Variants in FRMD4A observed in about 807,000 individuals in gnomAD.
The protein encoded by FRMD4A is FERM domain containing 4A.
A neutral mutation model predicts 129.1 loss-of-function variants in FRMD4A; 29 were observed. The observed-to-expected ratio is 0.22, with a 90% CI of 0.17 to 0.31. FRMD4A has a LOEUF of 0.31. FRMD4A is among the 10% of genes least tolerant of loss of function. FRMD4A has a pLI of 1.00. For synonymous variants in FRMD4A, 634 were observed against 571.6 expected (o/e 1.11, Z -1.56); for missense variants, 1,272 against 1,375.8 (o/e 0.92, Z 1.19).
At chr10:13,799,657 C>T (rs567962157) in intron 4 of FRMD4A, among the ~76,000 whole-genome samples, 11 of 152,264 alleles carry the variant, frequency 7.2e-5, no homozygotes, top group East Asian at 3.9e-4. Flanking sequence ...GTATGGCATG[C>T]GCCTGGCCTT....
intron 2 of FRMD4A, among the ~76,000 whole-genome samples, chr10:14,010,546 C>A (rs546849892): frequency 6.6e-6 from 1 of 150,804 alleles, no homozygotes; most frequent in East Asian, 2.0e-4. Flanking sequence ...AGTAGGTGAC[C>A]CCCTCCTTGG....
chr10:14,201,083 A>C (rs1309271739), intron 2 of FRMD4A, among the ~76,000 whole-genome samples: 5 of 152,186 alleles, frequency 3.3e-5, no homozygotes, highest in Admixed American at 2.0e-4. Flanking sequence ...CTCAGAGCTC[A>C]GTGTTCAGGC....
intron 2 of FRMD4A, among the ~76,000 whole-genome samples, chr10:14,287,004 C>T (rs753792384): frequency 3.9e-5 from 6 of 152,230 alleles, no homozygotes; most frequent in Admixed American, 6.5e-5. Flanking sequence ...GACTATATTT[C>T]GCATCACTCT....
intron 2 of FRMD4A, among the ~76,000 whole-genome samples, chr10:13,957,139 G>T (rs564795369): frequency 6.6e-6 from 1 of 152,232 alleles, no homozygotes; most frequent in African/African-American, 2.4e-5. Context: ...CTCCGACTCC[G>T]CAGAGCTATG....
At chr10:13,998,747 T>C (rs1023505904) in intron 2 of FRMD4A, among the ~76,000 whole-genome samples, 9 of 152,174 alleles carry the variant, frequency 5.9e-5, no homozygotes, top group African/African-American at 1.9e-4. Flanking sequence ...GTCCATTCAC[T>C]TCTCACCACC....
chr10:13,806,001 G>A (rs1011612671), intron 4 of FRMD4A, among the ~76,000 whole-genome samples: 1 of 152,100 alleles, frequency 6.6e-6, no homozygotes, highest in African/African-American at 2.4e-5. Context: ...GGAATTACAA[G>A]CATGTACTAC....
In FRMD4A at chr10:13,701,325, G is replaced by C. The variant is rs1367847191; in HGVS notation, c.975+15C>G. On this transcript the variant is annotated intron_variant, in intron 14 of 24. Coordinates refer to ENST00000357447, the MANE Select transcript of FRMD4A (RefSeq NM_018027.5). ...AGACAATGGCCCGGGCTTGGTGAGAGGTCTGGTCACTCACCTTACTCTGCT... is the reference window on the plus strand; with the variant it reads ...AGACAATGGCCCGGGCTTGGTGAGACGTCTGGTCACTCACCTTACTCTGCT... 6.2e-7 allele frequency: 1 copy of C among 1,609,068 alleles called. No homozygotes were observed. The highest frequency in any genetic ancestry group is 1.7e-5 in the Admixed American group (1 of 59,630).
At chr10:13,751,138 T>C (rs2130653439) in intron 8 of FRMD4A, among the ~76,000 whole-genome samples, 1 of 152,248 alleles carries the variant, frequency 6.6e-6, no homozygotes, top group Non-Finnish European at 1.5e-5. Flanking sequence ...CTCACACCCA[T>C]CACATCTAAA....
chr10:14,116,835 A>G (rs1838224110), intron 2 of FRMD4A, among the ~76,000 whole-genome samples: 1 of 152,228 alleles, frequency 6.6e-6, no homozygotes, highest in Non-Finnish European at 1.5e-5. Flanking sequence ...TAGCAAAGCT[A>G]CACCATCCAA....
intron 2 of FRMD4A, among the ~76,000 whole-genome samples, chr10:13,955,390 T>C (rs2095404456): frequency 1.3e-5 from 2 of 152,302 alleles, no homozygotes; most frequent in Non-Finnish European, 2.9e-5. Flanking sequence ...TTACAGGTGT[T>C]AGCCACTATG....
intron 12 of FRMD4A, among the ~76,000 whole-genome samples, chr10:13,714,419 A>T (rs7895114): frequency 2.0e-5 from 3 of 150,048 alleles, no homozygotes; most frequent in African/African-American, 2.4e-5. Flanking sequence ...TTTTTCTATC[A>T]GTTTTTTAGG....
At chr10:14,307,844 T>C (rs1254053804) in intron 2 of FRMD4A, among the ~76,000 whole-genome samples, 1 of 152,218 alleles carries the variant, frequency 6.6e-6, no homozygotes, top group East Asian at 1.9e-4. Context: ...AAGAGATGTT[T>C]GTATTCACCT....
chr10:13,942,193 T>C (rs1271549011), intron 2 of FRMD4A, among the ~76,000 whole-genome samples: 1 of 152,218 alleles, frequency 6.6e-6, no homozygotes. Context: ...AGAAAGTTTC[T>C]GATTCAGCCA....
At chr10:13,663,216 T>C (rs576904655) in intron 19 of FRMD4A, among the ~76,000 whole-genome samples, 2 of 151,196 alleles carry the variant, frequency 1.3e-5, no homozygotes, top group South Asian at 2.1e-4. Context: ...GTTTTTGGCT[T>C]CTAAAAAAGT....
intron 5 of FRMD4A, among the ~76,000 whole-genome samples, chr10:13,789,287 C>T (rs868510798): frequency 6.6e-6 from 1 of 152,134 alleles, no homozygotes; most frequent in African/African-American, 2.4e-5. Flanking sequence ...CTCCATCAGC[C>T]AGGGAAGATA....
At chr10:13,972,340 A>C in intron 2 of FRMD4A, 1 of 985,408 alleles carries the variant, frequency 1.0e-6, no homozygotes, top group East Asian at 1.1e-4. Context: ...TCAAGCAAAA[A>C]GTCCCATTCT....
intron 6 of FRMD4A, among the ~76,000 whole-genome samples, chr10:13,768,370 G>A (rs1023296056): frequency 1.9e-4 from 29 of 152,202 alleles, no homozygotes; most frequent in African/African-American, 6.3e-4. Context: ...AGAGGGACTT[G>A]GTGGTGGTCT....
chr10:14,021,962 A>C (rs1318079433), intron 2 of FRMD4A, among the ~76,000 whole-genome samples: 1 of 151,678 alleles, frequency 6.6e-6, no homozygotes, highest in Non-Finnish European at 1.5e-5. Context: ...TTTTTTTTGC[A>C]TTTTATTGCT....
At chr10:14,017,765 A>G (rs2095703838) in intron 2 of FRMD4A, among the ~76,000 whole-genome samples, 1 of 152,186 alleles carries the variant, frequency 6.6e-6, no homozygotes, top group Non-Finnish European at 1.5e-5. Flanking sequence ...TTGCTCATGG[A>G]CATCTGGGAT....
Sources: allele counts gnomAD v4.1 joint callset (sites outside exome capture counted in the v4.1 genomes callset), GRCh38; gene constraint gnomAD v4.1.1; transcripts MANE v1.5; gene names NCBI Gene and HGNC (gene_info 2026-07-23, HGNC 2026-07-21).